C5: variants seen among roughly 807,000 people sequenced by gnomAD.
C5 encodes C3 and PZP-like alpha-2-macroglobulin domain-containing protein 4.
In C5, 140 loss-of-function variants were observed where a neutral mutation model predicts 218.8. The observed-to-expected ratio is 0.64, with a 90% CI of 0.56 to 0.74. The LOEUF (loss-of-function observed/expected upper bound fraction) is 0.74. Among genes scored for constraint, C5 ranks in the 30% least tolerant of loss-of-function variants. The probability of loss-of-function intolerance (pLI) is 0.00; values close to 1 mark genes in which losing one functional copy is unlikely to be tolerated. For missense variants in C5, 1,700 were observed against 1,969.6 expected, an observed-to-expected ratio of 0.86 and a Z score of 2.59; for synonymous variants, 614 against 682.3, an observed-to-expected ratio of 0.90 and a Z score of 1.56.
chr9:121,034,866 A>T lies in C5; in HGVS notation c.521T>A (p.Val174Glu). The T allele has an allele frequency of 6.3e-7, 1 of 1,594,720 alleles. No homozygotes were observed. Among genetic ancestry groups the T allele is most frequent in the Non-Finnish European group, 8.6e-7 (1 of 1,163,554 alleles). Reference sequence around the variant, plus strand: ...AATTCCAATATGATCAATTTCTTCTACCATGTCAACTTCTGATCCTTCAGG... The same window carrying T: ...AATTCCAATATGATCAATTTCTTCTTCCATGTCAACTTCTGATCCTTCAGG... Reference protein sequence around the residue: ...IDPEGSEVDMVEEIDHIGIIS... With the variant: ...IDPEGSEVDMEEEIDHIGIIS... Residue 174 changes from valine (V) to glutamate (E), a missense_variant, in exon 5 of 41, where the codon GTA (valine) becomes GAA (glutamate). Transcript: ENST00000223642.
chr9:121,035,767 G>A (rs2047519198), intron 4 of C5, among the ~76,000 whole-genome samples: 1 of 151,692 alleles, frequency 6.6e-6, no homozygotes, highest in African/African-American at 2.4e-5. Flanking sequence ...GTAGAGATGA[G>A]GTCTCTCCAG....
rs2047510566 is a variant in C5, at chr9:121,034,893, TC to T, written c.493del (p.Asp165IlefsTer10). 6.4e-7 allele frequency: 1 copy of T among 1,560,124 alleles called. No homozygotes were observed. The highest frequency in any genetic ancestry group is 1.1e-5 in the South Asian group (1 of 88,948). ...AKRETVLTFI[D>X]PEGSEVDMVE... Reference sequence around the variant, plus strand: ...CATGTCAACTTCTGATCCTTCAGGATCCTGTAAATAAAAACAAACACCCTCA... The same window carrying T: ...CATGTCAACTTCTGATCCTTCAGGATCTGTAAATAAAAACAAACACCCTCA... On this transcript the variant is annotated frameshift_variant and splice_region_variant, in exon 5 of 41. Transcript: ENST00000223642. LOFTEE classifies it high-confidence loss of function.
At chr9:120,963,504 C>CAAA (rs111500884) in intron 34 of C5, 132 bp downstream of exon 34, 172 of 632,598 alleles carry the variant, frequency 2.7e-4, no homozygotes, top group African/African-American at 2.2e-3. Context: ...AATCCACCTC[C>CAAA]AAAAAAAAAA....
At chr9:121,054,596 G>A (rs1446251165), upstream of C5, among the ~76,000 whole-genome samples, 1 of 152,166 alleles carries the variant, frequency 6.6e-6, no homozygotes, top group East Asian at 1.9e-4. Context: ...GCAAAACGCT[G>A]CCTCAAAATA....
At chr9:121,030,060 G>A (rs924509492) in intron 7 of C5, among the ~76,000 whole-genome samples, 1 of 152,104 alleles carries the variant, frequency 6.6e-6, no homozygotes, top group African/African-American at 2.4e-5. Context: ...TTAGCTGGCT[G>A]ATTAAATCAT....
Position 121,049,230 on chromosome 9 carries a change from G to T in C5, c.65+952C>A, listed in dbSNP as rs144240468. On this transcript the variant is annotated intron_variant, in intron 1 of 40. Coordinates refer to ENST00000223642, the MANE Select transcript of C5 (RefSeq NM_001735.3). Reference sequence around the variant, plus strand: ...AATTTTTATTAAGGGCTAGTAGAAAGAATTCAGAATAAGTCTGGACAAGAA... The same window carrying T: ...AATTTTTATTAAGGGCTAGTAGAAATAATTCAGAATAAGTCTGGACAAGAA... 2.2e-4 allele frequency among the ~76,000 whole-genome samples: 34 copies of T among 152,312 alleles called. No individual in the cohort carries two copies. The East Asian group carries it at 6.5e-3, about 29-fold the overall frequency.
chr9:120,986,366 T>TA (rs11394255), intron 25 of C5, among the ~76,000 whole-genome samples: 89,309 of 145,994 alleles, frequency 0.61, 27,105 homozygotes, highest in East Asian at 0.77. Context: ...CAATGTTCTT[T>TA]AAAAAAAAAA....
chr9:121,047,246 G>C (rs578187343), intron 1 of C5, among the ~76,000 whole-genome samples: 22 of 152,256 alleles, frequency 1.4e-4, no homozygotes, highest in Non-Finnish European at 2.8e-4. Context: ...AAGTAAATGG[G>C]GGAGGCCTTT....
At position 120,997,738 on chromosome 9, in the gene C5, T is replaced by C; in HGVS notation, c.2599A>G (p.Thr867Ala). The change falls in exon 21 of 41, where the codon ACT (threonine) becomes GCT (alanine). Residue 867 changes from threonine (T) to alanine (A), a missense_variant. Transcript: ENST00000223642. ...VKMSAVEGIC[T>A]SESPVIDHQG... Reference sequence around the variant, plus strand: ...TGATCAATGACTGGGCTTTCCGAAGTGCAGATTCCCTCCACAGCAGACATT... The same window carrying C: ...TGATCAATGACTGGGCTTTCCGAAGCGCAGATTCCCTCCACAGCAGACATT... 1.9e-6 allele frequency: 3 copies of C among 1,614,062 alleles called. No individual in the cohort carries two copies. The highest frequency in any genetic ancestry group is 2.5e-6 in the Non-Finnish European group (3 of 1,180,012).
At chr9:121,051,432 ATTAAG>A (rs1468075675), upstream of C5, among the ~76,000 whole-genome samples, 1 of 151,936 alleles carries the variant, frequency 6.6e-6, no homozygotes, top group Admixed American at 6.6e-5. Flanking sequence ...CTGATTTTTA[ATTAAG>A]TTAATTTTTA....
In C5 at chr9:121,002,314, G is replaced by GTA. The variant is rs1260903533; in HGVS notation, c.2562+3604_2562+3605insTA. On this transcript the variant is annotated intron_variant, in intron 20 of 40. Coordinates refer to ENST00000223642, the MANE Select transcript of C5 (RefSeq NM_001735.3). Reference sequence around the variant, plus strand: ...TGTATATATGTATATATATATGTGTGTGTATATATATATATATATATATAT... The same window carrying GTA: ...TGTATATATGTATATATATATGTGTGTATGTATATATATATATATATATATAT... 7.7e-3 allele frequency among the ~76,000 whole-genome samples: 480 copies of GTA among 62,450 alleles called. 8 individuals carry two copies. Among genetic ancestry groups the GTA allele is most frequent in the East Asian group, 0.022 (31 of 1,418 alleles). 41.0% of individuals were successfully genotyped at this position (62,450 alleles called of 152,430 possible). A position where few individuals can be genotyped will look rare whatever the true frequency, so the allele number is the denominator to read the frequency against.
At position 120,997,751 on chromosome 9, in the gene C5, C is replaced by T. The variant is rs1564144644; in HGVS notation, c.2586G>A (p.Val862=). The T allele has an allele frequency of 1.2e-6, 2 of 1,613,944 alleles. No homozygotes were observed. The highest frequency in any genetic ancestry group is 1.7e-6 in the Non-Finnish European group (2 of 1,179,978). Residue 862 remains valine (V), a synonymous_variant, in exon 21 of 41, where the codon GTG becomes GTA. Transcript: ENST00000223642. ...GMQFCVKMSA[V]EGICTSESPV... ...GGCTTTCCGAAGTGCAGATTCCCTCCACAGCAGACATTTTAACACAGAACT... is the reference window on the plus strand; with the variant it reads ...GGCTTTCCGAAGTGCAGATTCCCTCTACAGCAGACATTTTAACACAGAACT...
intron 20 of C5, among the ~76,000 whole-genome samples, chr9:120,998,248 A>T (rs553492150): frequency 6.6e-6 from 1 of 152,338 alleles, no homozygotes; most frequent in African/African-American, 2.4e-5. Context: ...ACATAGACAC[A>T]CAAGTTGCCG....
At chr9:121,006,579 C>T (rs556194328) in intron 19 of C5, among the ~76,000 whole-genome samples, 16 of 152,108 alleles carry the variant, frequency 1.1e-4, no homozygotes, top group African/African-American at 3.4e-4. Flanking sequence ...TGCAGTGGCT[C>T]AAGCTGTAAT....
intron 27 of C5, 126 bp downstream of exon 27, chr9:120,981,718 T>A: frequency 1.4e-6 from 1 of 696,640 alleles, no homozygotes; most frequent in Non-Finnish European, 2.6e-6. Context: ...GAGTTTAAGT[T>A]ATTTTCAAGT....
Position 120,971,736 on chromosome 9 carries a change from C to T in C5, c.4080+194G>A, listed in dbSNP as rs188967150. ...AAAGGCGTGAGCCACCATGCCTGACCAACATTGTTATTTTCAAAAAAATTG... is the reference window on the plus strand; with the variant it reads ...AAAGGCGTGAGCCACCATGCCTGACTAACATTGTTATTTTCAAAAAAATTG... On this transcript the variant is annotated intron_variant, in intron 31 of 40. Transcript: ENST00000223642. 2.1e-3 allele frequency among the ~76,000 whole-genome samples: 316 copies of T among 152,262 alleles called. 1 individual carries two copies. Among genetic ancestry groups the T allele is most frequent in the African/African-American group, 7.3e-3 (304 of 41,548 alleles).
chr9:120,978,844 T>C (rs953906183), intron 28 of C5, among the ~76,000 whole-genome samples: 7 of 152,242 alleles, frequency 4.6e-5, no homozygotes, highest in Admixed American at 2.6e-4. Flanking sequence ...GCTCCCCTTT[T>C]CACTCTCAAA....
intron 7 of C5, among the ~76,000 whole-genome samples, chr9:121,029,642 G>A (rs952034695): frequency 6.6e-6 from 1 of 152,140 alleles, no homozygotes; most frequent in African/African-American, 2.4e-5. Context: ...ATGTATCAAC[G>A]ACCTTTGCAC....
rs144377273 is a variant in C5, at chr9:121,020,125, G to A, written c.1357C>T (p.Arg453Ter). 7 of 1,613,796 alleles carry A rather than the reference G, an allele frequency of 4.3e-6. No homozygotes were observed. Among genetic ancestry groups the A allele is most frequent in the Admixed American group, 3.3e-5 (2 of 59,994 alleles). Residue 453 changes from arginine to a stop codon, truncating the protein, a stop_gained, in exon 12 of 41, where the codon CGA becomes TGA. Transcript: ENST00000223642. LOFTEE classifies it high-confidence loss of function. ...PEENQAREGY[R>*]AIAYSSLSQS... ...CTGAGAGATGAGTATGCTATTGCTC[G>A]GTAACCTTCCCTGGCCTGATTTTCT...
Sources: gnomAD v4.1 joint callset for allele counts (sites outside exome capture counted in the v4.1 genomes callset) on GRCh38, gnomAD v4.1.1 for gene constraint, MANE v1.5 for transcripts, NCBI Gene and HGNC (gene_info 2026-07-23, HGNC 2026-07-21) for gene names.